GPC5: variants seen among roughly 807,000 people sequenced by gnomAD.
GPC5 encodes glypican 5.
A neutral mutation model predicts 53.9 loss-of-function variants in GPC5; 47 were observed. The ratio of observed to expected loss-of-function variants is 0.87; its 90% CI spans 0.69 to 1.11. The LOEUF is 1.11. Among genes scored for constraint, GPC5 ranks in the 50% most tolerant of loss-of-function variants. The probability of loss-of-function intolerance (pLI) is 0.00; values close to 1 mark genes in which losing one functional copy is unlikely to be tolerated. For synonymous variants in GPC5, 286 were observed against 263.3 expected, an observed-to-expected ratio of 1.09 and a Z score of -0.84; for missense variants, 748 against 713.1, an observed-to-expected ratio of 1.05 and a Z score of -0.56.
rs148797754 is a variant in GPC5 at position 91,704,529 on chromosome 13, A to T, written c.1020+10648A>T. Among the ~76,000 whole-genome samples the T allele has an allele frequency of 7.9e-5, 12 of 152,252 alleles. No homozygotes were observed. The East Asian group carries it at 2.3e-3, about 29-fold the overall frequency. On this transcript the variant is annotated intron_variant, in intron 3 of 7. Transcript: ENST00000377067. ...CATGGCAGTCATTGGACCTTCCATG[A>T]CTTCTGAAGCCTCTGATGAGTCACC...
intron 7 of GPC5, among the ~76,000 whole-genome samples, chr13:92,419,623 A>C (rs184700873): frequency 4.3e-4 from 66 of 152,332 alleles, no homozygotes; most frequent in Non-Finnish European, 7.9e-4. Flanking sequence ...AAAATGAGTC[A>C]TTTGATTCTT....
chr13:91,936,274 C>T (rs1490204431), intron 6 of GPC5, among the ~76,000 whole-genome samples: 4 of 151,958 alleles, frequency 2.6e-5, no homozygotes, highest in African/African-American at 9.7e-5. Context: ...GTGGATCTTG[C>T]CTCCTTTGCC....
chr13:92,492,953 T>A (rs1415216153), intron 7 of GPC5, among the ~76,000 whole-genome samples: 1 of 152,154 alleles, frequency 6.6e-6, no homozygotes, highest in Non-Finnish European at 1.5e-5. Context: ...AGCCTCACCC[T>A]GAGGCTGACT....
At chr13:92,754,899 C>T (rs1299603828) in intron 7 of GPC5, among the ~76,000 whole-genome samples, 1 of 148,620 alleles carries the variant, frequency 6.7e-6, no homozygotes, top group Non-Finnish European at 1.5e-5. Flanking sequence ...TAACACCCCA[C>T]TGTCAACATT....
At chr13:92,385,387 TATACATATATAC>T (rs1254405452) in intron 7 of GPC5, among the ~76,000 whole-genome samples, 1 of 78,908 alleles carries the variant, frequency 1.3e-5, no homozygotes, top group African/African-American at 4.9e-5. Context: ...TATACATATA[TATACATATATAC>T]ACATATATAC....
intron 6 of GPC5, among the ~76,000 whole-genome samples, chr13:92,099,079 G>A (rs979414611): frequency 1.3e-5 from 2 of 150,682 alleles, no homozygotes; most frequent in Non-Finnish European, 2.9e-5. Flanking sequence ...ATTGATTATT[G>A]AGTGTTAACT....
At chr13:91,894,215 G>A (rs1309460397) in intron 5 of GPC5, among the ~76,000 whole-genome samples, 1 of 152,212 alleles carries the variant, frequency 6.6e-6, no homozygotes, top group East Asian at 1.9e-4. Flanking sequence ...ATGATAATTT[G>A]TAAAACCATC....
chr13:92,125,923 G>GTTTTTTTTTTTTTTTTTTTTTTTTT (rs1566446337), intron 6 of GPC5, among the ~76,000 whole-genome samples: 1 of 41,536 alleles, frequency 2.4e-5, no homozygotes. Context: ...TTTGTTTTTT[G>GTTTTTTTTTTTTTTTTTTTTTTTTT]GTTTTTTTTT....
rs542115036 is a variant in GPC5, at chr13:91,466,514, C to G, written c.325+17592C>G. Among the ~76,000 whole-genome samples, 4 of 152,164 alleles carry G rather than the reference C, an allele frequency of 2.6e-5. No homozygotes were observed. The East Asian group carries it at 7.7e-4, about 29-fold the overall frequency. Reference sequence around the variant, plus strand: ...TTTTAAAACTGAGGTTTAATTGGTGCTGTTTTATTAAATATTTTGACTTAG... The same window carrying G: ...TTTTAAAACTGAGGTTTAATTGGTGGTGTTTTATTAAATATTTTGACTTAG... On this transcript the variant is annotated intron_variant, in intron 2 of 7. Coordinates refer to ENST00000377067, the MANE Select transcript of GPC5 (RefSeq NM_004466.6).
chr13:91,601,808 A>G (rs1186343309), intron 2 of GPC5, among the ~76,000 whole-genome samples: 1 of 152,200 alleles, frequency 6.6e-6, no homozygotes, highest in African/African-American at 2.4e-5. Flanking sequence ...TATATATTAC[A>G]GTGCAATAAT....
rs1196430101 is a variant in GPC5, at chr13:92,301,751, G to GA, written c.1561+156768dup. 2.2e-4 allele frequency among the ~76,000 whole-genome samples: 33 copies of GA among 151,736 alleles called. 1 individual carries two copies. Among genetic ancestry groups the GA allele is most frequent in the Admixed American group, 2.1e-3 (32 of 15,196 alleles). ...AAGAAAAAGAAAAAAATCAGTAAAA[G>GA]AAAAAATCAGAAAAAGAAAAAAAGT... On this transcript the variant is annotated intron_variant, in intron 7 of 7. Coordinates refer to ENST00000377067, the MANE Select transcript of GPC5 (RefSeq NM_004466.6).
chr13:92,583,030 A>G (rs1232381121), intron 7 of GPC5, among the ~76,000 whole-genome samples: 1 of 152,078 alleles, frequency 6.6e-6, no homozygotes, highest in Non-Finnish European at 1.5e-5. Flanking sequence ...TCCATGTTGA[A>G]TGAAAGTGGT....
intron 7 of GPC5, among the ~76,000 whole-genome samples, chr13:92,339,167 A>G (rs1397860102): frequency 6.6e-6 from 1 of 151,014 alleles, no homozygotes; most frequent in Non-Finnish European, 1.5e-5. Flanking sequence ...CATATGTATC[A>G]TATGTATTTA....
chr13:92,742,962 C>T (rs1296699302), intron 7 of GPC5, among the ~76,000 whole-genome samples: 4 of 152,026 alleles, frequency 2.6e-5, no homozygotes, highest in African/African-American at 4.8e-5. Flanking sequence ...GGTACCAGTA[C>T]CATGCTGTTT....
intron 7 of GPC5, chr13:92,239,928 A>G (rs1048961676): frequency 1.9e-4 from 6 of 31,434 alleles, no homozygotes; most frequent in Non-Finnish European, 1.6e-4. Flanking sequence ...TTCTTTATAT[A>G]TATAAGAAAC....
intron 5 of GPC5, among the ~76,000 whole-genome samples, chr13:91,806,462 T>TA (rs1031234946): frequency 1.3e-4 from 20 of 151,524 alleles, no homozygotes; most frequent in Non-Finnish European, 7.4e-5. Flanking sequence ...TTTAACGCAA[T>TA]AAAAAACCAT....
intron 7 of GPC5, among the ~76,000 whole-genome samples, chr13:92,632,176 C>T (rs1463678141): frequency 6.6e-6 from 1 of 151,980 alleles, no homozygotes; most frequent in African/African-American, 2.4e-5. Context: ...TAAAATTATG[C>T]CCTTTTCTCT....
chr13:92,755,991 T>C (rs1427121926), intron 7 of GPC5, among the ~76,000 whole-genome samples: 2 of 151,942 alleles, frequency 1.3e-5, no homozygotes, highest in East Asian at 3.9e-4. Flanking sequence ...GAGGCCAGCA[T>C]CATTCTGATA....
At chr13:91,887,100 A>G (rs2039331530) in intron 5 of GPC5, among the ~76,000 whole-genome samples, 1 of 152,152 alleles carries the variant, frequency 6.6e-6, no homozygotes, top group African/African-American at 2.4e-5. Context: ...CTGGACATCC[A>G]GGTGTTTCCA....
Sources: allele counts gnomAD v4.1 joint callset (sites outside exome capture counted in the v4.1 genomes callset), GRCh38; gene constraint gnomAD v4.1.1; transcripts MANE v1.5; gene names NCBI Gene and HGNC (gene_info 2026-07-23, HGNC 2026-07-21).